CDH13: variants seen among roughly 807,000 people sequenced by gnomAD.
The protein encoded by CDH13 is cadherin 13, also known as cadherin-13.
A neutral mutation model predicts 63.8 loss-of-function variants in CDH13; 24 were observed. That is an observed-to-expected ratio of 0.38 (90% confidence interval 0.27 to 0.53). The LOEUF (loss-of-function observed/expected upper bound fraction) is 0.53. Among genes scored for constraint, CDH13 ranks in the 20% least tolerant of loss-of-function variants. The pLI is 0.85. For synonymous variants in CDH13, 503 were observed against 355.3 expected (o/e 1.42, Z -4.67); for missense variants, 1,049 against 903.1 (o/e 1.16, Z -2.07).
At chr16:82,899,039 A>G (rs543098478) in intron 2 of CDH13, among the ~76,000 whole-genome samples, 1 of 152,318 alleles carries the variant, frequency 6.6e-6, no homozygotes, top group South Asian at 2.1e-4. Context: ...ACACTCATCA[A>G]CTAGGATGAC....
chr16:83,365,485 T>C (rs376056879), intron 6 of CDH13, among the ~76,000 whole-genome samples: 1 of 152,194 alleles, frequency 6.6e-6, no homozygotes, highest in Non-Finnish European at 1.5e-5. Flanking sequence ...AGTTGACTCA[T>C]AAAATTAATC....
intron 5 of CDH13, among the ~76,000 whole-genome samples, chr16:83,285,947 A>T (rs145378250): frequency 2.0e-5 from 3 of 152,314 alleles, no homozygotes; most frequent in African/African-American, 7.2e-5. Context: ...GCGTGGGCGA[A>T]CTGGAGGGTT....
chr16:83,194,361 G>A (rs556181217), intron 4 of CDH13, among the ~76,000 whole-genome samples: 45 of 152,278 alleles, frequency 3.0e-4, no homozygotes, highest in African/African-American at 1.1e-3. Flanking sequence ...AAAGCAAAAT[G>A]ACTGACTACA....
At chr16:82,683,727 T>C (rs889201811) in intron 1 of CDH13, among the ~76,000 whole-genome samples, 2 of 152,216 alleles carry the variant, frequency 1.3e-5, no homozygotes, top group African/African-American at 4.8e-5. Flanking sequence ...CCACACCATC[T>C]AGCTCAGTCC....
chr16:83,354,262 A>G (rs1335771635), intron 6 of CDH13, among the ~76,000 whole-genome samples: 2 of 152,252 alleles, frequency 1.3e-5, no homozygotes, highest in Non-Finnish European at 2.9e-5. Flanking sequence ...ATAGCCCAGC[A>G]ATTTTTAGCA....
At chr16:83,306,792 C>G (rs2089890915) in intron 5 of CDH13, among the ~76,000 whole-genome samples, 1 of 152,034 alleles carries the variant, frequency 6.6e-6, no homozygotes, top group African/African-American at 2.4e-5. Flanking sequence ...AAACTGGGAA[C>G]CCACCAAAAT....
At chr16:83,141,895 C>T (rs1026300238) in intron 4 of CDH13, among the ~76,000 whole-genome samples, 7 of 152,082 alleles carry the variant, frequency 4.6e-5, no homozygotes, top group African/African-American at 1.4e-4. Context: ...TGTGCTTTCA[C>T]TTTAGGAGCT....
At position 83,015,083 on chromosome 16, in the gene CDH13, C is replaced by G. The variant is rs1465988992; in HGVS notation, c.158-16927C>G. Reference sequence around the variant, plus strand: ...TAATAGCTATTAAGAGAAAACCTACCTACTGAACTGTTTAAGTGTATATAT... The same window carrying G: ...TAATAGCTATTAAGAGAAAACCTACGTACTGAACTGTTTAAGTGTATATAT... On this transcript the variant is annotated intron_variant, in intron 2 of 13. Coordinates refer to ENST00000567109, the MANE Select transcript of CDH13 (RefSeq NM_001257.5). 2.0e-5 allele frequency among the ~76,000 whole-genome samples: 3 copies of G among 151,356 alleles called. No individual in the cohort carries two copies. The South Asian group carries it at 6.3e-4, about 32-fold the overall frequency.
chr16:83,513,907 A>G (rs927458587), intron 7 of CDH13, among the ~76,000 whole-genome samples: 1 of 152,180 alleles, frequency 6.6e-6, no homozygotes, highest in African/African-American at 2.4e-5. Context: ...GACAAAAATT[A>G]TAGAGAATGA....
intron 7 of CDH13, among the ~76,000 whole-genome samples, chr16:83,551,518 C>T (rs1341379000): frequency 1.3e-5 from 2 of 152,186 alleles, no homozygotes; most frequent in East Asian, 3.9e-4. Flanking sequence ...TGTCAGTGCT[C>T]ACATTGGTGC....
intron 5 of CDH13, among the ~76,000 whole-genome samples, chr16:83,252,163 A>C (rs2151826330): frequency 7.5e-6 from 1 of 133,282 alleles, no homozygotes; most frequent in Non-Finnish European, 1.6e-5. Context: ...TCTTTAAGTT[A>C]CTGTGCTAGG....
chr16:82,896,904 C>G (rs1013089491), intron 2 of CDH13, among the ~76,000 whole-genome samples: 1 of 151,424 alleles, frequency 6.6e-6, no homozygotes, highest in African/African-American at 2.4e-5. Flanking sequence ...CCTCAGCCTC[C>G]CCAGTCGCTG....
intron 1 of CDH13, among the ~76,000 whole-genome samples, chr16:82,633,235 C>T (rs1219930137): frequency 6.6e-6 from 1 of 152,226 alleles, no homozygotes; most frequent in Admixed American, 6.5e-5. Context: ...ATCATCATTC[C>T]ATGAGTGTTG....
intron 3 of CDH13, among the ~76,000 whole-genome samples, chr16:83,123,411 C>A (rs1036901709): frequency 2.0e-5 from 3 of 152,034 alleles, no homozygotes; most frequent in African/African-American, 7.2e-5. Context: ...TCATGAATAG[C>A]TGGGATTACA....
At chr16:83,698,821 C>A (rs1055834060) in intron 10 of CDH13, among the ~76,000 whole-genome samples, 2 of 152,256 alleles carry the variant, frequency 1.3e-5, no homozygotes, top group African/African-American at 4.8e-5. Context: ...ATGGACCACA[C>A]AATCTGTGTC....
At chr16:82,816,388 GA>G (rs1567564119) in intron 1 of CDH13, among the ~76,000 whole-genome samples, 2 of 151,998 alleles carry the variant, frequency 1.3e-5, no homozygotes, top group African/African-American at 4.8e-5. Flanking sequence ...ATTCCGGGGG[GA>G]AAAAGAGAGG....
chr16:82,820,341 A>C (rs1175462423), intron 1 of CDH13, among the ~76,000 whole-genome samples: 1 of 152,194 alleles, frequency 6.6e-6, no homozygotes, highest in Non-Finnish European at 1.5e-5. Flanking sequence ...GTGCCCTGGT[A>C]ATGCCTCAGA....
chr16:83,564,811 T>G (rs1469192358), intron 7 of CDH13, among the ~76,000 whole-genome samples: 1 of 152,028 alleles, frequency 6.6e-6, no homozygotes, highest in African/African-American at 2.4e-5. Flanking sequence ...AGTATGGAGG[T>G]TGGAGAAAGG....
At chr16:82,747,310 G>C (rs955708790) in intron 1 of CDH13, among the ~76,000 whole-genome samples, 4 of 152,182 alleles carry the variant, frequency 2.6e-5, no homozygotes, top group Admixed American at 6.5e-5. Flanking sequence ...ACCCTCAGGA[G>C]TATGCACGTT....
Sources: allele counts gnomAD v4.1 joint callset (sites outside exome capture counted in the v4.1 genomes callset), GRCh38; gene constraint gnomAD v4.1.1; transcripts MANE v1.5; gene names NCBI Gene and HGNC (gene_info 2026-07-23, HGNC 2026-07-21).